ANO4: variants seen among roughly 807,000 people sequenced by gnomAD.
The protein encoded by ANO4 is anoctamin 4.
A neutral mutation model predicts 141.9 loss-of-function variants in ANO4; 69 were observed. That is an observed-to-expected ratio of 0.49 (90% confidence interval 0.40 to 0.59). The LOEUF (loss-of-function observed/expected upper bound fraction) is 0.59. ANO4 is among the 20% of genes least tolerant of loss of function. The pLI, the probability that ANO4 is intolerant of heterozygous loss-of-function variation, is 0.00. For missense variants in ANO4, 894 were observed against 1,162.2 expected, an observed-to-expected ratio of 0.77 and a Z score of 3.36; for synonymous variants, 350 against 394.3, an observed-to-expected ratio of 0.89 and a Z score of 1.33.
Position 101,099,629 on chromosome 12 carries a change from T to C in ANO4, c.2058T>C (p.Pro686=), listed in dbSNP as rs368320715. 2 of 1,612,206 alleles carry C rather than the reference T, an allele frequency of 1.2e-6. No individual in the cohort carries two copies. The highest frequency in any genetic ancestry group is 1.7e-6 in the Non-Finnish European group (2 of 1,179,376). Residue 686 remains proline (P), a synonymous_variant, in exon 22 of 28, where the codon CCT becomes CCC. Transcript: ENST00000392977. ...GAAAAGTACGACAAGAACATGGACC[T>C]GAAAGGAAAATAAGTTTCCCACAAT... The part of the protein sequence containing the change: ...TRRKVRQEHG[P]ERKISFPQWE...
chr12:101,104,615 GTA>G (rs1455837301), intron 22 of ANO4, among the ~76,000 whole-genome samples: 2,490 of 66,024 alleles, frequency 0.038, 113 homozygotes, highest in African/African-American at 0.18. Flanking sequence ...GTGTGTGTGT[GTA>G]TGTATGTGTG....
At chr12:101,078,850 T>C (rs1406905068) in intron 14 of ANO4, among the ~76,000 whole-genome samples, 2 of 152,152 alleles carry the variant, frequency 1.3e-5, no homozygotes, top group Non-Finnish European at 2.9e-5. Context: ...AAAAAATAAA[T>C]GCTGTATCAA....
chr12:101,127,381 C>T (rs906658451), intron 27 of ANO4, among the ~76,000 whole-genome samples: 17 of 152,180 alleles, frequency 1.1e-4, no homozygotes, highest in South Asian at 4.2e-4. Context: ...TTCCTCCAGC[C>T]GGGCTGTTTT....
chr12:100,834,282 C>A (rs1487050103), intron 1 of ANO4, among the ~76,000 whole-genome samples: 1 of 152,196 alleles, frequency 6.6e-6, no homozygotes, highest in East Asian at 1.9e-4. Context: ...TCTGCCCTTT[C>A]GACTGCCCTA....
chr12:100,741,342 A>G (rs1049712870), intron 3 of ANO4, among the ~76,000 whole-genome samples: 2 of 152,164 alleles, frequency 1.3e-5, no homozygotes, highest in Non-Finnish European at 2.9e-5. Flanking sequence ...GAAGTTCCAG[A>G]TTATCAAAAC....
At chr12:101,078,599 A>G (rs2049118961) in intron 14 of ANO4, among the ~76,000 whole-genome samples, 1 of 152,168 alleles carries the variant, frequency 6.6e-6, no homozygotes, top group African/African-American at 2.4e-5. Flanking sequence ...TTTTACCCTC[A>G]TTGTGGCAAC....
intron 14 of ANO4, among the ~76,000 whole-genome samples, chr12:101,057,824 C>G (rs895516486): frequency 5.9e-5 from 9 of 152,172 alleles, no homozygotes; most frequent in Admixed American, 3.9e-4. Context: ...CCTGTTCACT[C>G]TGATGATAGT....
At chr12:100,826,823 C>G (rs2036371301) in intron 1 of ANO4, among the ~76,000 whole-genome samples, 1 of 152,016 alleles carries the variant, frequency 6.6e-6, no homozygotes, top group Non-Finnish European at 1.5e-5. Context: ...TCCTTTGTTA[C>G]TGAGGCTGAA....
intron 14 of ANO4, 50 bp downstream of exon 14, chr12:101,048,451 A>C (rs1320314278): frequency 5.3e-6 from 8 of 1,507,530 alleles, no homozygotes. Context: ...ATGCCCTATG[A>C]TATATTCCTT....
chr12:101,074,675 A>G (rs1322532270), intron 14 of ANO4, among the ~76,000 whole-genome samples: 5 of 152,194 alleles, frequency 3.3e-5, no homozygotes, highest in Non-Finnish European at 7.3e-5. Flanking sequence ...TTTTATTGCA[A>G]GACAAAAGAG....
chr12:101,071,624 C>A (rs1289101440), intron 14 of ANO4, among the ~76,000 whole-genome samples: 2 of 152,024 alleles, frequency 1.3e-5, no homozygotes, highest in African/African-American at 4.8e-5. Context: ...AGACGTAGTA[C>A]TTGACAGCAC....
At position 100,812,041 on chromosome 12, in the gene ANO4, C is replaced by CACACACACACACATATATGTGT. The variant is rs1204904719; in HGVS notation, c.-141+17026_-141+17027insATATATGTGTACACACACACAC. Among the ~76,000 whole-genome samples the CACACACACACACATATATGTGT allele has an allele frequency of 3.0e-4, 6 of 20,202 alleles. No homozygotes were observed. The African/African-American group carries it at 4.4e-3, about 15-fold the overall frequency. The allele number at this position is 20,202 out of a possible 152,430, so 13.3% of individuals were successfully genotyped here. On this transcript the variant is annotated intron_variant, in intron 1 of 27. Transcript: ENST00000392977. ...ACACATGCACACACATATATGTGTA[C>CACACACACACACATATATGTGT]ACACACACACACGCGTAATTCCTCT...
intron 1 of ANO4, among the ~76,000 whole-genome samples, chr12:100,891,213 G>T (rs1002087123): frequency 1.3e-5 from 2 of 152,190 alleles, no homozygotes; most frequent in African/African-American, 4.8e-5. Flanking sequence ...TTATTTGTCA[G>T]TTTACCTACT....
rs1593172543 is a variant in ANO4 at position 101,065,425 on chromosome 12, A to G, written c.1313-13768A>G. 2.6e-5 allele frequency among the ~76,000 whole-genome samples: 4 copies of G among 152,310 alleles called. No individual in the cohort carries two copies. The South Asian group carries it at 8.3e-4, about 32-fold the overall frequency. Reference sequence around the variant, plus strand: ...TAAATAAAATCAGATATGAAAAAGGAGACATTACAACTGATACCACAGAAA... The same window carrying G: ...TAAATAAAATCAGATATGAAAAAGGGGACATTACAACTGATACCACAGAAA... On this transcript the variant is annotated intron_variant, in intron 14 of 27. Transcript: ENST00000392977.
Position 100,988,872 on chromosome 12 carries a change from G to GAAAAAA in ANO4, c.734+1213_734+1218dup, listed in dbSNP as rs748666892. Among the ~76,000 whole-genome samples the GAAAAAA allele has an allele frequency of 4.2e-3, 275 of 65,004 alleles. 45 individuals carry two copies. Among genetic ancestry groups the GAAAAAA allele is most frequent in the African/African-American group, 0.014 (223 of 15,476 alleles). The allele number at this position is 65,004 out of a possible 152,430, so 42.6% of individuals were successfully genotyped here. On this transcript the variant is annotated intron_variant, in intron 8 of 27. Transcript: ENST00000392977. Reference sequence around the variant, plus strand: ...GGTGACAGAGTGAGACTCTGTCTCAGAAAAAAAAAAAAAAAAGAAAGAAAA... The same window carrying GAAAAAA: ...GGTGACAGAGTGAGACTCTGTCTCAGAAAAAAAAAAAAAAAAAAAAAAGAAAGAAAA...
chr12:100,892,702 C>G (rs1000873729), intron 1 of ANO4, among the ~76,000 whole-genome samples: 1 of 152,058 alleles, frequency 6.6e-6, no homozygotes, highest in Non-Finnish European at 1.5e-5. Flanking sequence ...CTTATAATAC[C>G]CAGTACAATG....
At chr12:100,928,184 C>T (rs1160299694) in intron 3 of ANO4, among the ~76,000 whole-genome samples, 14 of 117,136 alleles carry the variant, frequency 1.2e-4, no homozygotes, top group African/African-American at 4.2e-4. Context: ...TGAGCGGGGC[C>T]GGGGGGGCTG....
At chr12:100,803,568 C>T (rs2135672054) in intron 1 of ANO4, among the ~76,000 whole-genome samples, 1 of 152,290 alleles carries the variant, frequency 6.6e-6, no homozygotes. Flanking sequence ...TTAGTCAATA[C>T]TTTCTACCTT....
At chr12:100,748,765 C>A (rs190462203) in intron 3 of ANO4, among the ~76,000 whole-genome samples, 6 of 151,762 alleles carry the variant, frequency 4.0e-5, no homozygotes, top group African/African-American at 9.7e-5. Context: ...TTTTCTCTTG[C>A]CTTTTCTGAT....
Sources: gnomAD v4.1 joint callset for allele counts (sites outside exome capture counted in the v4.1 genomes callset) on GRCh38, gnomAD v4.1.1 for gene constraint, MANE v1.5 for transcripts, NCBI Gene and HGNC (gene_info 2026-07-23, HGNC 2026-07-21) for gene names.